Variants in SRSF3 observed in about 807,000 individuals in gnomAD.
SRSF3 encodes serine/arginine-rich splicing factor 3.
For missense variants in SRSF3, 58 were observed against 217.1 expected, an observed-to-expected ratio of 0.27 and a Z score of 4.61; for synonymous variants, 87 against 73.6, an observed-to-expected ratio of 1.18 and a Z score of -0.93.
At position 36,602,464 on chromosome 6, in the gene SRSF3, A is replaced by T. The variant is rs968130907; in HGVS notation, c.*475A>T. 8.8e-6 allele frequency: 2 copies of T among 226,208 alleles called. No homozygotes were observed. The highest frequency in any genetic ancestry group is 4.5e-5 in the African/African-American group (2 of 44,936). 14.0% of individuals were successfully genotyped at this position (226,208 alleles called of 1,614,324 possible). On this transcript the variant is annotated 3_prime_UTR_variant, in exon 6 of 6. Coordinates refer to ENST00000373715, the MANE Select transcript of SRSF3 (RefSeq NM_003017.5). ...ATCAGGGAAAACGAAATGCTGCACT[A>T]TTAAATTAGAGGTTTTTGAAAAATC... is the stretch of plus-strand genomic sequence containing the variant.
chr6:36,596,349 CATT>C (rs1034882341), intron 1 of SRSF3, among the ~76,000 whole-genome samples: 19 of 152,088 alleles, frequency 1.2e-4, no homozygotes, highest in African/African-American at 4.1e-4. Flanking sequence ...CTTTCTTCAT[CATT>C]GTTTTATTTA....
At position 36,604,521 on chromosome 6, in the gene SRSF3, A is replaced by G. The variant is rs1472048919; in HGVS notation, c.*2532A>G. 5.6e-6 allele frequency: 1 copy of G among 177,868 alleles called. No homozygotes were observed. Among genetic ancestry groups the G allele is most frequent in the Non-Finnish European group, 1.2e-5 (1 of 82,830 alleles). 11.0% of individuals were successfully genotyped at this position (177,868 alleles called of 1,614,324 possible). On this transcript the variant is annotated 3_prime_UTR_variant, in exon 6 of 6. Coordinates refer to ENST00000373715, the MANE Select transcript of SRSF3 (RefSeq NM_003017.5). ...CTTCTGACCTCCATGTCTTAAGCAG[A>G]AAGTAGGGAAGTTGTAGTTTTACCA...
At chr6:36,595,125 T>G (rs751211655) in intron 1 of SRSF3, among the ~76,000 whole-genome samples, 18 of 152,220 alleles carry the variant, frequency 1.2e-4, no homozygotes, top group Admixed American at 7.2e-4. Flanking sequence ...GGACTGGATA[T>G]TTTAATTAGA....
Position 36,596,963 on chromosome 6 carries a change from T to G in SRSF3, c.201T>G (p.Asp67Glu). 1 of 1,613,888 alleles carries G rather than the reference T, an allele frequency of 6.2e-7. No homozygotes were observed. Among genetic ancestry groups the G allele is most frequent in the Middle Eastern group, 1.6e-4 (1 of 6,062 alleles). The change falls in exon 2 of 6, where the codon GAT (aspartate) becomes GAG (glutamate). Residue 67 changes from aspartate (D) to glutamate (E), a missense_variant. By Grantham distance (45) the Asp-to-Glu change is conservative. Coordinates refer to ENST00000373715, the MANE Select transcript of SRSF3 (RefSeq NM_003017.5). ...CAGCTGATGCAGTCCGAGAGCTAGA[T>G]GGAAGGTGATTTAATGATTACGCTG... ...RDAADAVREL[D>E]GRTLCGCRVR...
At chr6:36,598,724 TG>T (rs1386931983) in intron 2 of SRSF3, 124 bp from the exon 3 acceptor site, 33 of 1,160,746 alleles carry the variant, frequency 2.8e-5, no homozygotes, top group Non-Finnish European at 3.8e-5. Context: ...GCTAGAAATT[TG>T]ATGTTAAATT....
rs1479869142 is a variant in SRSF3, at chr6:36,604,119, A to G, written c.*2130A>G. Reference sequence around the variant, plus strand: ...AGATTGTGGCTATTAGGAATTTTTAAAGTTGTAATTCCTAAAATAACAGGT... The same window carrying G: ...AGATTGTGGCTATTAGGAATTTTTAGAGTTGTAATTCCTAAAATAACAGGT... On this transcript the variant is annotated 3_prime_UTR_variant, in exon 6 of 6. Transcript: ENST00000373715. 2 of 223,718 alleles carry G rather than the reference A, an allele frequency of 8.9e-6. No individual in the cohort carries two copies. The highest frequency in any genetic ancestry group is 4.5e-5 in the African/African-American group (2 of 44,792). 13.9% of individuals were successfully genotyped at this position (223,718 alleles called of 1,614,324 possible).
rs148150998 is a variant in SRSF3, at chr6:36,599,694, A to G, written c.341+711A>G. On this transcript the variant is annotated intron_variant, in intron 3 of 5. Transcript: ENST00000373715. ...GCCCCTTTTGCTATTTTGAAAAACA[A>G]CAGCACACTGTTGCCCATCATAATA... 2.0e-4 allele frequency: 148 copies of G among 747,286 alleles called. 1 individual carries two copies. In the African/African-American group the frequency reaches 2.3e-3, roughly 12 times the overall value. 46.3% of individuals were successfully genotyped at this position (747,286 alleles called of 1,614,324 possible). A position where few individuals can be genotyped will look rare whatever the true frequency, so the allele number is the denominator to read the frequency against.
intron 2 of SRSF3, chr6:36,597,264 C>A: frequency 2.6e-6 from 1 of 388,292 alleles, no homozygotes; most frequent in South Asian, 2.9e-5. Flanking sequence ...TGCCATCATG[C>A]GGGGCTGATT....
At position 36,602,066 on chromosome 6, in the gene SRSF3, G is replaced by C; in HGVS notation, c.*77G>C. The C allele has an allele frequency of 6.5e-7, 1 of 1,543,164 alleles. No individual in the cohort carries two copies. The highest frequency in any genetic ancestry group is 8.7e-7 in the Non-Finnish European group (1 of 1,152,916). On this transcript the variant is annotated 3_prime_UTR_variant, in exon 6 of 6. Coordinates refer to ENST00000373715, the MANE Select transcript of SRSF3 (RefSeq NM_003017.5). The stretch of plus-strand genomic sequence containing the variant: ...AGTATGTACAGAAAATTCAAGTTTT[G>C]TTTGAGACTTCATAAGCTTGGTGCA...
chr6:36,597,155 A>T (rs546873369), intron 2 of SRSF3, 187 bp downstream of exon 2: 26 of 581,762 alleles, frequency 4.5e-5, no homozygotes, highest in Non-Finnish European at 8.6e-6. Context: ...ACTGGGCTGG[A>T]GTGCAGTGGT....
intron 3 of SRSF3, 49 bp downstream of exon 3, chr6:36,599,032 A>G (rs1021317397): frequency 6.3e-7 from 1 of 1,593,482 alleles, no homozygotes; most frequent in East Asian, 2.2e-5. Context: ...TGGAGTAGCT[A>G]GTAGGAGCAG....
At chr6:36,601,566 A>C (rs1274073334) in intron 4 of SRSF3, 142 bp from the exon 5 acceptor site, 2 of 749,976 alleles carry the variant, frequency 2.7e-6, no homozygotes, top group Non-Finnish European at 4.4e-6. Flanking sequence ...CTGTTCTCAA[A>C]CTCTTGGCTT....
intron 1 of SRSF3, among the ~76,000 whole-genome samples, chr6:36,595,851 T>G (rs1386481370): frequency 6.6e-6 from 1 of 152,214 alleles, no homozygotes; most frequent in African/African-American, 2.4e-5. Context: ...GACTCTGGTC[T>G]ATCTAATGAC....
At chr6:36,599,927 C>G in intron 3 of SRSF3, 1 of 1,346,860 alleles carries the variant, frequency 7.4e-7, no homozygotes, top group South Asian at 1.1e-5. Flanking sequence ...TGGCTGGTGT[C>G]GTTTCACATG....
chr6:36,601,332 T>G (rs1378663282), intron 4 of SRSF3, 142 bp downstream of exon 4: 3 of 809,812 alleles, frequency 3.7e-6, no homozygotes, highest in Middle Eastern at 3.1e-4. Context: ...CAGCTTTCTT[T>G]GAGTTTTCAA....
intron 2 of SRSF3, among the ~76,000 whole-genome samples, chr6:36,597,847 T>A (rs1344659068): frequency 4.0e-5 from 6 of 151,580 alleles, no homozygotes; most frequent in South Asian, 2.1e-4. Context: ...TTTCTTTTTT[T>A]AAAAAAATGT....
chr6:36,601,125 G>T (rs1163228259), intron 3 of SRSF3, 27 bp from the exon 4 acceptor site: 1 of 1,593,338 alleles, frequency 6.3e-7, no homozygotes, highest in South Asian at 1.1e-5. Context: ...TTGATGATGA[G>T]CCTAATTTTC....
Position 36,598,920 on chromosome 6 carries a change from C to T in SRSF3, c.278C>T (p.Pro93Leu), listed in dbSNP as rs767464229. ...AAAAGAAGTAGAAATCGTGGCCCAC[C>T]TCCCTCTTGGGGTCGTCGCCCTCGA... ...GEKRSRNRGP[P>L]PSWGRRPRDD... Residue 93 changes from proline (P) to leucine (L), a missense_variant, in exon 3 of 6, where the codon CCT (proline) becomes CTT (leucine). Pro to Leu is a moderately conservative substitution (Grantham distance 98, BLOSUM62 -3). Transcript: ENST00000373715. 6.2e-7 allele frequency: 1 copy of T among 1,614,154 alleles called. No individual in the cohort carries two copies. The highest frequency in any genetic ancestry group is 8.5e-7 in the Non-Finnish European group (1 of 1,180,026).
chr6:36,601,292 TTA>T, intron 4 of SRSF3, 102 bp downstream of exon 4: 2 of 1,152,024 alleles, frequency 1.7e-6, no homozygotes, highest in Non-Finnish European at 2.5e-6. Flanking sequence ...AACCTTGGCT[TTA>T]ATAGTGAATC....
Sources: gnomAD v4.1 joint callset for allele counts (sites outside exome capture counted in the v4.1 genomes callset) on GRCh38, gnomAD v4.1.1 for gene constraint, MANE v1.5 for transcripts, NCBI Gene and HGNC (gene_info 2026-07-23, HGNC 2026-07-21) for gene names.